Variants in MPRIP observed in about 807,000 individuals in gnomAD.
MPRIP encodes the protein myosin phosphatase Rho-interacting protein.
Under a neutral mutation model 234.9 loss-of-function variants are expected in MPRIP, and 59 were observed. The ratio of observed to expected loss-of-function variants is 0.25; its 90% CI spans 0.20 to 0.31. The LOEUF (loss-of-function observed/expected upper bound fraction) is 0.31. Among genes scored for constraint, MPRIP ranks in the 10% least tolerant of loss-of-function variants. MPRIP has a pLI of 1.00. For synonymous variants in MPRIP, 1,144 were observed against 1,263.9 expected (o/e 0.91, Z 2.01); for missense variants, 2,436 against 3,071.0 (o/e 0.79, Z 4.89).
Position 17,078,089 on chromosome 17 carries a change from C to G in MPRIP, c.267+13C>G, listed in dbSNP as rs1438291538. On this transcript the variant is annotated intron_variant, in intron 3 of 23. Transcript: ENST00000651222. The surrounding 1 kb of genome is among the most constrained non-coding windows in gnomAD (Gnocchi z 4.3). ...CCTGGATGAGATGGTAAGTGTTATC[C>G]TTGCCCACTCCCTGTCCCCAGCCTT... 5 of 1,613,920 alleles carry G rather than the reference C, an allele frequency of 3.1e-6. No individual in the cohort carries two copies. The highest frequency in any genetic ancestry group is 3.3e-5 in the Admixed American group (2 of 60,020).
At position 17,158,948 on chromosome 17, in the gene MPRIP, A is replaced by G. The variant is rs760973409; in HGVS notation, c.2346A>G (p.Glu782=). 4.3e-6 allele frequency: 7 copies of G among 1,612,754 alleles called. 1 individual carries two copies. The Middle Eastern group carries it at 8.3e-4, about 191-fold the overall frequency. The change falls in exon 14 of 24, where the codon GAA becomes GAG. Residue 782 remains glutamate (E), a synonymous_variant. Transcript: ENST00000651222. Reference sequence around the variant, plus strand: ...TCGCCCCCGTCCACCTGTCTTCTGAAGATGGGGGTGACCGGCTCTCCACAC... The same window carrying G: ...TCGCCCCCGTCCACCTGTCTTCTGAGGATGGGGGTGACCGGCTCTCCACAC... ...VPIAPVHLSS[E]DGGDRLSTHE... is the part of the protein sequence containing the mutation.
At chr17:17,047,411 T>C (rs1174827382) in intron 1 of MPRIP, among the ~76,000 whole-genome samples, 1 of 152,192 alleles carries the variant, frequency 6.6e-6, no homozygotes, top group Non-Finnish European at 1.5e-5. Context: ...TAGTTTGTAG[T>C]TTTAATGTCA....
chr17:17,161,742 A>T (rs541178855), intron 15 of MPRIP, among the ~76,000 whole-genome samples: 6 of 152,236 alleles, frequency 3.9e-5, no homozygotes, highest in African/African-American at 1.4e-4. Flanking sequence ...TACAGATTGA[A>T]GACATTGAAT....
At chr17:17,111,525 G>C (rs1272609720) in intron 3 of MPRIP, among the ~76,000 whole-genome samples, 4 of 152,186 alleles carry the variant, frequency 2.6e-5, no homozygotes, top group Non-Finnish European at 5.9e-5. Context: ...TGTCCAGGGG[G>C]GTCTCTGTTT....
At position 17,126,843 on chromosome 17, in the gene MPRIP, A is replaced by G; in HGVS notation, c.409A>G (p.Ile137Val). The change falls in exon 4 of 24, where the codon ATC becomes GTC. Residue 137 changes from isoleucine to valine, a missense_variant. Coordinates refer to ENST00000651222, the MANE Select transcript of MPRIP (RefSeq NM_001364716.4). ...EHFIRAETKE[I>V]VSGWLEMLMV... ...TTTCATCCGGGCGGAGACCAAGGAG[A>G]TCGTCAGTGGGTGAGTATGCTGGCA... 1 of 1,613,784 alleles carries G rather than the reference A, an allele frequency of 6.2e-7. No individual in the cohort carries two copies. The highest frequency in any genetic ancestry group is 8.5e-7 in the Non-Finnish European group (1 of 1,179,772).
rs1397440321 is a variant in MPRIP, at chr17:17,137,951, G to A, written c.772G>A (p.Gly258Ser). The A allele has an allele frequency of 5.0e-6, 8 of 1,612,296 alleles. No homozygotes were observed. The highest frequency in any genetic ancestry group is 5.9e-6 in the Non-Finnish European group (7 of 1,179,282). Reference sequence around the variant, plus strand: ...CATGAGTAGCGACCGCATGGACTGTGGCCGCAAAGTCCGGGTGGAGAGCGG... The same window carrying A: ...CATGAGTAGCGACCGCATGGACTGTAGCCGCAAAGTCCGGGTGGAGAGCGG... Reference protein sequence around the residue: ...SAMSSDRMDCGRKVRVESGYF... With the variant: ...SAMSSDRMDCSRKVRVESGYF... Residue 258 changes from glycine (G) to serine (S), a missense_variant, in exon 7 of 24, where the codon GGC (glycine) becomes AGC (serine). Gly to Ser is a moderately conservative substitution (Grantham distance 56). Coordinates refer to ENST00000651222, the MANE Select transcript of MPRIP (RefSeq NM_001364716.4).
Position 17,174,044 on chromosome 17 carries a change from G to A in MPRIP, c.6719G>A (p.Arg2240His), listed in dbSNP as rs370517552. The A allele has an allele frequency of 1.5e-4, 235 of 1,613,296 alleles. No homozygotes were observed. The highest frequency in any genetic ancestry group is 1.8e-4 in the Non-Finnish European group (210 of 1,180,022). ...CGGCAGGCCCTGCGGCAGTGCCAGCGTGAGAACCAGGAGCTCAATGCCCAC... is the reference window on the plus strand; with the variant it reads ...CGGCAGGCCCTGCGGCAGTGCCAGCATGAGAACCAGGAGCTCAATGCCCAC... ...AERQALRQCQRENQELNAHNQ... is the reference protein window; with the variant it reads ...AERQALRQCQHENQELNAHNQ... Residue 2240 changes from arginine (R) to histidine (H), a missense_variant, in exon 19 of 24, where the codon CGT (arginine) becomes CAT (histidine). Physicochemically the swap from Arg to His is conservative, Grantham distance 29. This residue lies in a region of MPRIP where 1,998 missense variants were observed against 2,520.3 expected (regional missense o/e 0.79). Transcript: ENST00000651222.
At chr17:17,157,730 A>C (rs1030346736) in intron 13 of MPRIP, among the ~76,000 whole-genome samples, 1 of 151,906 alleles carries the variant, frequency 6.6e-6, no homozygotes, top group African/African-American at 2.4e-5. Flanking sequence ...TGGGAGGCTG[A>C]GGCAGGAGAA....
intron 1 of MPRIP, among the ~76,000 whole-genome samples, chr17:17,046,114 A>G (rs1192868632): frequency 6.6e-6 from 1 of 152,168 alleles, no homozygotes; most frequent in African/African-American, 2.4e-5. Context: ...TCAAATATAC[A>G]GTTAAACCTT....
rs2045796590 is a variant in MPRIP, at chr17:17,158,823, C to T, written c.2221C>T (p.Pro741Ser). Residue 741 changes from proline (P) to serine (S), a missense_variant, in exon 14 of 24, where the codon CCT becomes TCT. Coordinates refer to ENST00000651222, the MANE Select transcript of MPRIP (RefSeq NM_001364716.4). ...RMEVDRSPGL[P>S]MSDLKTHNVH... The stretch of plus-strand genomic sequence containing the variant: ...GGAGGTGGACCGGAGCCCAGGGCTG[C>T]CTATGAGCGACCTCAAAACGCATAA... 1 of 1,611,642 alleles carries T rather than the reference C, an allele frequency of 6.2e-7. No homozygotes were observed. The highest frequency in any genetic ancestry group is 2.2e-5 in the East Asian group (1 of 44,872).
intron 3 of MPRIP, among the ~76,000 whole-genome samples, chr17:17,088,526 A>C (rs1287834140): frequency 2.6e-5 from 4 of 152,266 alleles, no homozygotes; most frequent in Non-Finnish European, 1.5e-5. Context: ...AAGCAAAGCC[A>C]CATGGCTGGT....
intron 3 of MPRIP, among the ~76,000 whole-genome samples, chr17:17,089,031 C>T (rs1318215346): frequency 6.6e-6 from 1 of 152,164 alleles, no homozygotes; most frequent in Non-Finnish European, 1.5e-5. Context: ...CACACAGGCA[C>T]GGACCAGTCA....
chr17:17,165,959 G>A lies in MPRIP; in HGVS notation c.4368G>A (p.Arg1456=). The part of the protein sequence containing the change: ...QLEQERQERA[R]RVEGHVGELG... ...AGCAGGAGAGGCAGGAGAGGGCCAG[G>A]AGGGTTGAAGGGCATGTTGGAGAGC... is the stretch of plus-strand genomic sequence containing the variant. The change falls in exon 16 of 24, where the codon AGG becomes AGA. Residue 1456 remains arginine, a synonymous_variant. Coordinates refer to ENST00000651222, the MANE Select transcript of MPRIP (RefSeq NM_001364716.4). 1 of 1,304,332 alleles carries A rather than the reference G, an allele frequency of 7.7e-7. No homozygotes were observed. The highest frequency in any genetic ancestry group is 1.0e-6 in the Non-Finnish European group (1 of 988,946). 80.8% of individuals were successfully genotyped at this position (1,304,332 alleles called of 1,614,324 possible).
At chr17:17,051,555 G>T (rs1567681559) in intron 1 of MPRIP, among the ~76,000 whole-genome samples, 1 of 152,184 alleles carries the variant, frequency 6.6e-6, no homozygotes, top group Non-Finnish European at 1.5e-5. Context: ...GGCGGGGGAG[G>T]GCCTTGGGTC....
At chr17:17,068,517 T>G (rs1011733944) in intron 1 of MPRIP, among the ~76,000 whole-genome samples, 4 of 152,060 alleles carry the variant, frequency 2.6e-5, no homozygotes, top group Non-Finnish European at 5.9e-5. Context: ...TTTCATTGAT[T>G]TCTACCTTTA....
At chr17:17,170,141 G>A (rs1317328076) in intron 16 of MPRIP, 1 of 150,800 alleles carries the variant, frequency 6.6e-6, no homozygotes, top group East Asian at 1.9e-4. Flanking sequence ...GATTAGTATG[G>A]CCCCTTTACA....
chr17:17,103,376 AGGGTATCTTGCAGTGGCTCTT>A (rs559215974), intron 3 of MPRIP, among the ~76,000 whole-genome samples: 1 of 152,314 alleles, frequency 6.6e-6, no homozygotes, highest in Non-Finnish European at 1.5e-5. Flanking sequence ...GGCAGCCGTG[AGGGTATCTTGCAGTGGCTCTT>A]TGGGAGCAGC....
chr17:17,175,559 C>A, intron 20 of MPRIP, 147 bp downstream of exon 20: 2 of 1,140,732 alleles, frequency 1.8e-6, no homozygotes, highest in Non-Finnish European at 2.4e-6. Context: ...CCAAATCACC[C>A]GAAGGCGGCG....
In MPRIP at chr17:17,083,905, G is replaced by A. The variant is rs143283201; in HGVS notation, c.267+5829G>A. On this transcript the variant is annotated intron_variant, in intron 3 of 23. Coordinates refer to ENST00000651222, the MANE Select transcript of MPRIP (RefSeq NM_001364716.4). The stretch of plus-strand genomic sequence containing the variant: ...ACTACAGGCCCGCGCCACCATGCCC[G>A]GCTAATTTTTTGCATTTTTAGTAGA... Among the ~76,000 whole-genome samples, 51 of 152,134 alleles carry A rather than the reference G, an allele frequency of 3.4e-4. No individual in the cohort carries two copies. The East Asian group carries it at 8.7e-3, about 26-fold the overall frequency.
Sources: allele counts gnomAD v4.1 joint callset (sites outside exome capture counted in the v4.1 genomes callset), GRCh38; gene constraint gnomAD v4.1.1; regional missense constraint gnomAD v4.1.1; non-coding constraint Gnocchi (gnomAD v3.1); transcripts MANE v1.5; gene names NCBI Gene and HGNC (gene_info 2026-07-23, HGNC 2026-07-21).